PLEKHM1: variants seen among roughly 807,000 people sequenced by gnomAD.
PLEKHM1 encodes the protein pleckstrin homology and RUN domain containing M1, also known as pleckstrin homology domain-containing family M member 1.
A neutral mutation model predicts 94.3 loss-of-function variants in PLEKHM1; 28 were observed. That is an observed-to-expected ratio of 0.30 (90% confidence interval 0.22 to 0.41). The LOEUF is 0.41. Among genes scored for constraint, PLEKHM1 ranks in the 10% least tolerant of loss-of-function variants. The probability of loss-of-function intolerance (pLI) is 1.00; values close to 1 mark genes in which losing one functional copy is unlikely to be tolerated. For synonymous variants in PLEKHM1, 424 were observed against 581.2 expected, an observed-to-expected ratio of 0.73 and a Z score of 3.89; for missense variants, 907 against 1,358.6, an observed-to-expected ratio of 0.67 and a Z score of 5.22.
intron 6 of PLEKHM1, 199 bp from the exon 7 acceptor site, chr17:45,454,471 C>G: frequency 1.5e-6 from 1 of 647,088 alleles, no homozygotes; most frequent in East Asian, 2.7e-5. Flanking sequence ...CACTGCTGCT[C>G]TTGCGTCCTG....
chr17:45,435,201 G>A (rs2145138688), downstream of PLEKHM1, among the ~76,000 whole-genome samples: 3 of 152,300 alleles, frequency 2.0e-5, no homozygotes, highest in South Asian at 6.2e-4. Context: ...GATTGGCAGA[G>A]GGTGCCACCT....
At chr17:45,480,502 A>T (rs1449893500) in intron 2 of PLEKHM1, among the ~76,000 whole-genome samples, 6 of 152,320 alleles carry the variant, frequency 3.9e-5, no homozygotes, top group Admixed American at 1.3e-4. Context: ...AAAAAAACAA[A>T]AAAACAAAAA....
chr17:45,470,577 C>T (rs1322298601), intron 4 of PLEKHM1, among the ~76,000 whole-genome samples: 26 of 151,866 alleles, frequency 1.7e-4, no homozygotes, highest in Admixed American at 7.9e-4. Flanking sequence ...TGCAGTGAGC[C>T]GAGATCACAC....
At chr17:45,486,585 TTAA>T (rs1260376337) in intron 1 of PLEKHM1, among the ~76,000 whole-genome samples, 2 of 150,916 alleles carry the variant, frequency 1.3e-5, no homozygotes, top group African/African-American at 4.9e-5. Context: ...AAAAAAAAAA[TTAA>T]TAATAATAAA....
chr17:45,444,446 C>T lies in PLEKHM1; in HGVS notation c.2837+1024G>A, dbSNP rs1273039936. The stretch of plus-strand genomic sequence containing the variant: ...ACATCCCATTCCTGAGCACCAAAGG[C>T]CCCAGGCCCTGGGTAAGAGAAGCTT... On this transcript the variant is annotated intron_variant, in intron 9 of 11. Transcript: ENST00000430334. This position sits in a 1 kb window ranked among gnomAD's most constrained non-coding sequence, Gnocchi z 5.0. 6.6e-6 allele frequency among the ~76,000 whole-genome samples: 1 copy of T among 152,166 alleles called. No individual in the cohort carries two copies. The highest frequency in any genetic ancestry group is 1.5e-5 in the Non-Finnish European group (1 of 68,010).
chr17:45,473,708 G>A (rs561344393), intron 4 of PLEKHM1, among the ~76,000 whole-genome samples: 6 of 151,804 alleles, frequency 4.0e-5, no homozygotes, highest in South Asian at 4.1e-4. Context: ...TCAGGCGCCC[G>A]CCACCACGCC....
chr17:45,456,211 G>C (rs2684514), intron 6 of PLEKHM1: 1 of 152,074 alleles, frequency 6.6e-6, no homozygotes, highest in African/African-American at 2.4e-5. Flanking sequence ...TAGCACTTAT[G>C]ACCACCTGAC....
At position 45,436,450 on chromosome 17, in the gene PLEKHM1, G is replaced by A. The variant is rs1193601694; in HGVS notation, c.*1408C>T. ...TGGGTGGGTGACTCAGCAGCTAATCGCCCCCAGGGAAGGGTGGGGGTGGGC... is the reference window on the plus strand; with the variant it reads ...TGGGTGGGTGACTCAGCAGCTAATCACCCCCAGGGAAGGGTGGGGGTGGGC... On this transcript the variant is annotated 3_prime_UTR_variant, in exon 12 of 12. Coordinates refer to ENST00000430334, the MANE Select transcript of PLEKHM1 (RefSeq NM_014798.3). 5 of 452,838 alleles carry A rather than the reference G, an allele frequency of 1.1e-5. No homozygotes were observed. Among genetic ancestry groups the A allele is most frequent in the East Asian group, 7.0e-5 (1 of 14,374 alleles). 28.1% of individuals were successfully genotyped at this position (452,838 alleles called of 1,614,324 possible). A position where few individuals can be genotyped will look rare whatever the true frequency, so the allele number is the denominator to read the frequency against.
In PLEKHM1 at chr17:45,445,380, T is replaced by C; in HGVS notation, c.2837+90A>G. 7.9e-6 allele frequency: 8 copies of C among 1,009,298 alleles called. No homozygotes were observed. The highest frequency in any genetic ancestry group is 1.9e-5 in the Admixed American group (1 of 52,480). The allele number at this position is 1,009,298 out of a possible 1,614,324, so 62.5% of individuals were successfully genotyped here. On this transcript the variant is annotated intron_variant, in intron 9 of 11. Coordinates refer to ENST00000430334, the MANE Select transcript of PLEKHM1 (RefSeq NM_014798.3). This position sits in a 1 kb window ranked among gnomAD's most constrained non-coding sequence, Gnocchi z 4.2. ...ATGTGTGCACATGTGTATGTGTGTC[T>C]GTGTGTACATGTGCATATAAGTATG...
chr17:45,434,967 CAAAA>C (rs11369025), downstream of PLEKHM1, among the ~76,000 whole-genome samples: 2 of 98,128 alleles, frequency 2.0e-5, no homozygotes, highest in Non-Finnish European at 3.9e-5. Flanking sequence ...AGACTGTATC[CAAAA>C]AAAAAAAAAA....
rs149270060 is a variant in PLEKHM1 at position 45,445,543 on chromosome 17, G to T, written c.2764C>A (p.Arg922=). Residue 922 remains arginine (R), a synonymous_variant, in exon 9 of 12, where the codon CGG becomes AGG. Transcript: ENST00000430334. This position sits in a 1 kb window ranked among gnomAD's most constrained non-coding sequence, Gnocchi z 4.2. ...VERMHLIGRR[R]EQLKLLGDYL... ...TCCCCCAGGAGCTTCAGCTGCTCCC[G>T]TCTCCTCCCAATGAGGTGCATCCGC... 7.6e-5 allele frequency: 122 copies of T among 1,613,854 alleles called. No individual in the cohort carries two copies. The African/African-American group carries it at 1.4e-3, about 18-fold the overall frequency.
chr17:45,457,172 G>GAAAA (rs980455854), intron 6 of PLEKHM1, among the ~76,000 whole-genome samples: 57 of 55,760 alleles, frequency 1.0e-3, no homozygotes, highest in Non-Finnish European at 1.3e-3. Flanking sequence ...CTCTGCCTCA[G>GAAAA]AAAAAAAAAA....
intron 8 of PLEKHM1, chr17:45,446,016 A>AG: frequency 2.4e-6 from 1 of 410,218 alleles, no homozygotes. Flanking sequence ...CCCAGCCCCT[A>AG]TTTCCCCCCA....
At chr17:45,486,310 C>T (rs1025125137) in intron 1 of PLEKHM1, among the ~76,000 whole-genome samples, 6 of 150,868 alleles carry the variant, frequency 4.0e-5, no homozygotes, top group Non-Finnish European at 5.9e-5. Flanking sequence ...TGGCTGGGCG[C>T]GGTGGCTCAC....
At chr17:45,477,439 A>G in intron 3 of PLEKHM1, 1 of 217,678 alleles carries the variant, frequency 4.6e-6, no homozygotes, top group African/African-American at 2.3e-5. Context: ...ATCCCAAAAA[A>G]AAAAAAAAAG....
At chr17:45,490,124 T>C (rs1351057516) in intron 1 of PLEKHM1, among the ~76,000 whole-genome samples, 1 of 151,494 alleles carries the variant, frequency 6.6e-6, no homozygotes, top group Non-Finnish European at 1.5e-5. Flanking sequence ...TGGGGGTGGG[T>C]CTTAGATGAG....
At chr17:45,472,937 C>T (rs533188230) in intron 4 of PLEKHM1, among the ~76,000 whole-genome samples, 35 of 152,226 alleles carry the variant, frequency 2.3e-4, no homozygotes, top group African/African-American at 7.7e-4. Flanking sequence ...CCTTCTTTTC[C>T]GCTGATGCAG....
At chr17:45,470,495 G>A (rs1426055251) in intron 4 of PLEKHM1, among the ~76,000 whole-genome samples, 1 of 152,300 alleles carries the variant, frequency 6.6e-6, no homozygotes, top group East Asian at 1.9e-4. Flanking sequence ...TGGGCGTGGT[G>A]GTGCGCACCT....
At chr17:45,467,538 G>C (rs1291273345) in intron 5 of PLEKHM1, among the ~76,000 whole-genome samples, 1 of 152,124 alleles carries the variant, frequency 6.6e-6, no homozygotes, top group Non-Finnish European at 1.5e-5. Context: ...CAGCACTTCA[G>C]GAGGCCCAGG....
Sources: allele counts gnomAD v4.1 joint callset (sites outside exome capture counted in the v4.1 genomes callset), GRCh38; gene constraint gnomAD v4.1.1; non-coding constraint Gnocchi (gnomAD v3.1); transcripts MANE v1.5; gene names NCBI Gene and HGNC (gene_info 2026-07-23, HGNC 2026-07-21).